Variants in MTFMT observed in about 807,000 individuals in gnomAD.
MTFMT encodes methionyl-tRNA formyltransferase, mitochondrial.
MTFMT carries 47 observed loss-of-function variants against 51.8 expected under a neutral mutation model. That is an observed-to-expected ratio of 0.91 (90% CI 0.72 to 1.16). MTFMT has a LOEUF of 1.16. MTFMT is among the 50% of genes most tolerant of loss of function. The pLI, the probability that MTFMT is intolerant of heterozygous loss-of-function variation, is 0.00. For missense variants in MTFMT, 512 were observed against 482.3 expected (o/e 1.06, Z -0.58); for synonymous variants, 196 against 176.7 (o/e 1.11, Z -0.87).
intron 5 of MTFMT, 51 bp downstream of exon 5, chr15:65,020,146 G>A (rs372942156): frequency 5.9e-6 from 9 of 1,520,904 alleles, no homozygotes; most frequent in African/African-American, 1.4e-5. Context: ...AGATGCTATC[G>A]TGACAAGCAG....
chr15:65,026,698 A>G lies in MTFMT; in HGVS notation c.419+133T>C, dbSNP rs943977816. On this transcript the variant is annotated intron_variant, in intron 2 of 8. Coordinates refer to ENST00000220058, the MANE Select transcript of MTFMT (RefSeq NM_139242.4). ...TTGACTTTAAGCAAACATGTACAGA[A>G]AAATAAAATGGTAAAAATAAAAAAA... 8 of 786,022 alleles carry G rather than the reference A, an allele frequency of 1.0e-5. No individual in the cohort carries two copies. In the African/African-American group the frequency reaches 1.4e-4, roughly 14 times the overall value. The allele number at this position is 786,022 out of a possible 1,614,324, so 48.7% of individuals were successfully genotyped here. A position where few individuals can be genotyped will look rare whatever the true frequency, so the allele number is the denominator to read the frequency against.
At chr15:65,003,938 T>C (rs1595887265) in intron 8 of MTFMT, among the ~76,000 whole-genome samples, 1 of 151,302 alleles carries the variant, frequency 6.6e-6, no homozygotes, top group Non-Finnish European at 1.5e-5. Flanking sequence ...CAGAATAAGC[T>C]GGCGAGAGAC....
intron 2 of MTFMT, among the ~76,000 whole-genome samples, chr15:65,025,674 A>G (rs1457678141): frequency 1.3e-5 from 2 of 152,206 alleles, no homozygotes; most frequent in Non-Finnish European, 2.9e-5. Flanking sequence ...AGAATGATGG[A>G]GTAGCCATTT....
intron 6 of MTFMT, among the ~76,000 whole-genome samples, chr15:65,007,541 T>C (rs1595888289): frequency 6.6e-6 from 1 of 152,248 alleles, no homozygotes; most frequent in African/African-American, 2.4e-5. Context: ...CGATATATCT[T>C]TGAGGGCTTA....
chr15:65,020,634 G>A (rs1204462412), intron 4 of MTFMT, among the ~76,000 whole-genome samples: 1 of 152,118 alleles, frequency 6.6e-6, no homozygotes, highest in African/African-American at 2.4e-5. Flanking sequence ...TCACCCCATG[G>A]GGGCCAAGGC....
chr15:65,020,384 T>C (rs979917901), intron 4 of MTFMT, 112 bp from the exon 5 acceptor site: 6 of 915,626 alleles, frequency 6.6e-6, no homozygotes, highest in Non-Finnish European at 9.8e-6. Flanking sequence ...TTTCTTTTTC[T>C]TTTTTCAAAT....
Position 65,020,186 on chromosome 15 carries a change from C to G in MTFMT, c.721+11G>C. ...TTTAGAAAGATGAGAGTCTCTGCAG[C>G]CTTCACTCACCGTAAGTCGCCCCCT... is the stretch of plus-strand genomic sequence containing the variant. On this transcript the variant is annotated intron_variant, in intron 5 of 8. Coordinates refer to ENST00000220058, the MANE Select transcript of MTFMT (RefSeq NM_139242.4). 2 of 1,609,712 alleles carry G rather than the reference C, an allele frequency of 1.2e-6. No individual in the cohort carries two copies. The highest frequency in any genetic ancestry group is 1.7e-6 in the Non-Finnish European group (2 of 1,178,204).
At chr15:65,010,464 T>C (rs1298782084) in intron 6 of MTFMT, among the ~76,000 whole-genome samples, 3 of 152,202 alleles carry the variant, frequency 2.0e-5, no homozygotes. Flanking sequence ...TAATAACATA[T>C]GTAGTCTGTT....
chr15:65,013,558 C>T (rs895386825), intron 6 of MTFMT, among the ~76,000 whole-genome samples: 1 of 152,156 alleles, frequency 6.6e-6, no homozygotes, highest in African/African-American at 2.4e-5. Flanking sequence ...TCTATTGAGA[C>T]AGTGATGTAG....
chr15:65,017,834 T>C (rs2086337170), intron 5 of MTFMT, among the ~76,000 whole-genome samples: 1 of 151,902 alleles, frequency 6.6e-6, no homozygotes, highest in African/African-American at 2.4e-5. Flanking sequence ...TTCTTACTAA[T>C]AGGAAGTAGT....
chr15:65,007,512 A>G (rs955039865), intron 6 of MTFMT, among the ~76,000 whole-genome samples: 1 of 152,228 alleles, frequency 6.6e-6, no homozygotes, highest in Non-Finnish European at 1.5e-5. Flanking sequence ...AACACTATAA[A>G]CTAGGGTAAT....
intron 2 of MTFMT, chr15:65,026,066 TG>T (rs916349850): frequency 6.6e-6 from 1 of 152,240 alleles, no homozygotes; most frequent in African/African-American, 2.4e-5. Context: ...AACCAGCTGC[TG>T]GGAGAAGAGC....
chr15:65,029,190 G>T (rs1418163250), intron 1 of MTFMT: 2 of 854,046 alleles, frequency 2.3e-6, no homozygotes, highest in East Asian at 1.2e-4. Context: ...AGGCGGCGGG[G>T]AGTGAGGGGC....
Position 65,029,420 on chromosome 15 carries a change from G to T in MTFMT, c.194C>A (p.Ala65Glu), listed in dbSNP as rs1264914031. Residue 65 changes from alanine to glutamate, a missense_variant, in exon 1 of 9, where the codon GCG (alanine) becomes GAG (glutamate). Coordinates refer to ENST00000220058, the MANE Select transcript of MTFMT (RefSeq NM_139242.4). ...GCCCGGGTACCTGGCGGCGTGCAGC[G>T]CCCGCAGCGCCTCGCGGGCGAACTG... ...TDQFAREALRALHAARENKEE... is the reference protein window; with the variant it reads ...TDQFAREALRELHAARENKEE... 8 of 1,500,800 alleles carry T rather than the reference G, an allele frequency of 5.3e-6. No homozygotes were observed. The South Asian group carries it at 8.8e-5, about 16-fold the overall frequency. 93.0% of individuals were successfully genotyped at this position (1,500,800 alleles called of 1,614,324 possible). A position where few individuals can be genotyped will look rare whatever the true frequency, so the allele number is the denominator to read the frequency against.
chr15:65,009,379 T>A (rs1187548475), intron 6 of MTFMT, among the ~76,000 whole-genome samples: 3 of 152,210 alleles, frequency 2.0e-5, no homozygotes, highest in African/African-American at 7.2e-5. Flanking sequence ...AAACTTAACA[T>A]GGCCAAAACT....
intron 5 of MTFMT, among the ~76,000 whole-genome samples, chr15:65,018,124 A>G (rs901558587): frequency 6.6e-6 from 1 of 152,056 alleles, no homozygotes; most frequent in Admixed American, 6.5e-5. Context: ...GCATTCAAAA[A>G]ATAAAATTTA....
intron 6 of MTFMT, among the ~76,000 whole-genome samples, chr15:65,007,756 A>C (rs1347711227): frequency 6.6e-6 from 1 of 152,190 alleles, no homozygotes; most frequent in Non-Finnish European, 1.5e-5. Flanking sequence ...CTGCCTATTT[A>C]TGCCCTTTGG....
intron 1 of MTFMT, among the ~76,000 whole-genome samples, chr15:65,028,698 T>C (rs932263832): frequency 2.6e-5 from 4 of 151,884 alleles, no homozygotes; most frequent in Admixed American, 1.3e-4. Context: ...ATAAAAAACA[T>C]TAATTGGGAA....
At chr15:65,013,681 C>T (rs1413088256) in intron 6 of MTFMT, among the ~76,000 whole-genome samples, 2 of 152,128 alleles carry the variant, frequency 1.3e-5, no homozygotes, top group African/African-American at 2.4e-5. Context: ...TGATGGCTCA[C>T]ACCTGTAATG....
Sources: gnomAD v4.1 joint callset for allele counts (sites outside exome capture counted in the v4.1 genomes callset) on GRCh38, gnomAD v4.1.1 for gene constraint, MANE v1.5 for transcripts, NCBI Gene and HGNC (gene_info 2026-07-23, HGNC 2026-07-21) for gene names.